Variants in PTK6 observed in about 807,000 individuals in gnomAD.
PTK6 encodes the protein protein-tyrosine kinase 6.
PTK6 carries 47 observed loss-of-function variants against 47.5 expected under a neutral mutation model. The ratio of observed to expected loss-of-function variants is 0.99; its 90% CI spans 0.78 to 1.26. The LOEUF (loss-of-function observed/expected upper bound fraction) is 1.26, where lower values mean the gene tolerates loss of function less well. Among genes scored for constraint, PTK6 ranks in the 50% most tolerant of loss-of-function variants. PTK6 has a pLI of 0.00. For synonymous variants in PTK6, 287 were observed against 276.5 expected (o/e 1.04, Z -0.38); for missense variants, 618 against 625.3 (o/e 0.99, Z 0.12).
Position 63,529,705 on chromosome 20 carries a change from G to C in PTK6, c.1187C>G (p.Ala396Gly). ...VPYPGMSNHE[A>G]FLRVDAGYRM... ...GTAGCCGGCGTCCACCCTCAGGAAG[G>C]CCTCATGGTTGGACATGCCTGCGGC... is the stretch of plus-strand genomic sequence containing the variant. The change falls in exon 8 of 8, where the codon GCC becomes GGC. Residue 396 changes from alanine to glycine, a missense_variant. Coordinates refer to ENST00000542869, the MANE Select transcript of PTK6 (RefSeq NM_005975.4). The surrounding 1 kb of genome is among the most constrained non-coding windows in gnomAD (Gnocchi z 5.6). The C allele has an allele frequency of 6.5e-7, 1 of 1,544,694 alleles. No individual in the cohort carries two copies. The highest frequency in any genetic ancestry group is 8.7e-7 in the Non-Finnish European group (1 of 1,145,338).
At chr20:63,534,891 C>A in intron 2 of PTK6, 47 bp downstream of exon 2, 1 of 1,555,024 alleles carries the variant, frequency 6.4e-7, no homozygotes, top group Non-Finnish European at 8.7e-7. Flanking sequence ...GGGCTTAGAG[C>A]CAGGAGCCCC....
intron 1 of PTK6, among the ~76,000 whole-genome samples, chr20:63,536,363 T>C (rs544284007): frequency 6.9e-6 from 1 of 144,580 alleles, no homozygotes; most frequent in South Asian, 2.3e-4. Flanking sequence ...AATAGAGGGG[T>C]CTCCACCATG....
At chr20:63,532,409 G>T (rs1233509081) in intron 5 of PTK6, 117 bp downstream of exon 5, 4 of 1,299,916 alleles carry the variant, frequency 3.1e-6, no homozygotes, top group Non-Finnish European at 4.2e-6. Context: ...GCATGTGTGT[G>T]TCTGTGTGTC....
In PTK6 at chr20:63,529,685, C is replaced by T. The variant is rs543091157; in HGVS notation, c.1207G>A (p.Gly403Ser). 1.7e-5 allele frequency: 27 copies of T among 1,546,382 alleles called. No individual in the cohort carries two copies. Among genetic ancestry groups the T allele is most frequent in the East Asian group, 1.7e-4 (7 of 40,872 alleles). Residue 403 changes from glycine (G) to serine (S), a missense_variant, in exon 8 of 8, where the codon GGC becomes AGC. Physicochemically the swap from Gly to Ser is moderately conservative, Grantham distance 56. Coordinates refer to ENST00000542869, the MANE Select transcript of PTK6 (RefSeq NM_005975.4). The surrounding 1 kb of genome is among the most constrained non-coding windows in gnomAD (Gnocchi z 5.6). ...NHEAFLRVDA[G>S]YRMPCPLECP... ...TCCAGAGGGCAGGGCATGCGGTAGC[C>T]GGCGTCCACCCTCAGGAAGGCCTCA... is the stretch of plus-strand genomic sequence containing the variant.
intron 3 of PTK6, 61 bp downstream of exon 3, chr20:63,534,091 A>G: frequency 6.8e-7 from 1 of 1,475,284 alleles, no homozygotes; most frequent in East Asian, 2.5e-5. Context: ...CCCAGTAGGA[A>G]ATGCCAGCCT....
At chr20:63,536,373 G>A (rs1246432607) in intron 1 of PTK6, among the ~76,000 whole-genome samples, 1 of 148,536 alleles carries the variant, frequency 6.7e-6, no homozygotes, top group East Asian at 2.1e-4. Context: ...TCTCCACCAT[G>A]GGCCCCTGCC....
rs188563979 is a variant in PTK6, at chr20:63,530,908, C to T, written c.852G>A (p.Leu284=). The change falls in exon 6 of 8, where the codon CTG becomes CTA. Residue 284 remains leucine, a synonymous_variant. Transcript: ENST00000542869. The surrounding 1 kb of genome is among the most constrained non-coding windows in gnomAD (Gnocchi z 4.1). ...ELLRDSDEKV[L]PVSELLDIAW... ...CGATGTCCAGCAGCTCCGAAACGGG[C>T]AGGACTTTCTCATCAGAGTCTGCAG... 9.9e-6 allele frequency: 16 copies of T among 1,611,386 alleles called. No homozygotes were observed. The Admixed American group carries it at 1.7e-4, about 17-fold the overall frequency.
chr20:63,534,455 C>G, intron 2 of PTK6, 140 bp from the exon 3 acceptor site: 1 of 1,146,284 alleles, frequency 8.7e-7, no homozygotes, highest in Non-Finnish European at 1.2e-6. Flanking sequence ...CCCCTGCCTC[C>G]CCTCCCTCAG....
In PTK6 at chr20:63,536,912, A is replaced by G. The variant is rs545023627; in HGVS notation, c.230+173T>C. 3.2e-4 allele frequency among the ~76,000 whole-genome samples: 48 copies of G among 152,318 alleles called. 1 individual carries two copies. The highest frequency in any genetic ancestry group is 4.9e-4 in the Non-Finnish European group (33 of 68,020). ...CCTGGGCACTCCTGGGCGCCAGCGC[A>G]TGGGGCCTGCAGGGAGGATCAAGCG... On this transcript the variant is annotated intron_variant, in intron 1 of 7. Transcript: ENST00000542869.
At chr20:63,535,787 C>T (rs1204980779) in intron 1 of PTK6, among the ~76,000 whole-genome samples, 3 of 98,836 alleles carry the variant, frequency 3.0e-5, no homozygotes, top group Admixed American at 1.8e-4. Flanking sequence ...CCTGGCCTCC[C>T]GCCCCCTCCT....
Position 63,532,701 on chromosome 20 carries a change from T to C in PTK6, c.671-14A>G. 1 of 1,611,390 alleles carries C rather than the reference T, an allele frequency of 6.2e-7. No homozygotes were observed. The highest frequency in any genetic ancestry group is 1.7e-5 in the Admixed American group (1 of 59,942). On this transcript the variant is annotated splice_polypyrimidine_tract_variant and intron_variant, in intron 4 of 7. Coordinates refer to ENST00000542869, the MANE Select transcript of PTK6 (RefSeq NM_005975.4). ...GCAGGAGGTTGTCTGCGGGGACGGG[T>C]GGCCTCGGTGGATGCAGCCCCTGAC... is the stretch of plus-strand genomic sequence containing the variant.
chr20:63,534,783 G>A, intron 2 of PTK6, 155 bp downstream of exon 2: 19 of 1,171,746 alleles, frequency 1.6e-5, no homozygotes, highest in Non-Finnish European at 2.1e-5. Flanking sequence ...CCCCAGGGAG[G>A]AGCGGGCCAG....
Position 63,537,226 on chromosome 20 carries a change from C to G in PTK6, c.89G>C (p.Arg30Pro), listed in dbSNP as rs754007821. ...KSRTDEELSF[R>P]AGDVFHVARK... ...GGCCACGTGGAAGACGTCCCCCGCG[C>G]GGAAGCTCAGCTCCTCGTCCGTCCG... is the stretch of plus-strand genomic sequence containing the variant. The change falls in exon 1 of 8, where the codon CGC (arginine) becomes CCC (proline). Residue 30 changes from arginine (R) to proline (P), a missense_variant. Arg to Pro is a moderately radical substitution (Grantham distance 103). Coordinates refer to ENST00000542869, the MANE Select transcript of PTK6 (RefSeq NM_005975.4). The G allele has an allele frequency of 1.7e-5, 27 of 1,612,296 alleles. No homozygotes were observed. Among genetic ancestry groups the G allele is most frequent in the Non-Finnish European group, 2.3e-5 (27 of 1,179,848 alleles).
chr20:63,537,096 C>T lies in PTK6; in HGVS notation c.219G>A (p.Val73=), dbSNP rs1254387257. 1 of 1,609,456 alleles carries T rather than the reference C, an allele frequency of 6.2e-7. No homozygotes were observed. Among genetic ancestry groups the T allele is most frequent in the African/African-American group, 1.3e-5 (1 of 74,918 alleles). ...CCTAGGACACGCACGGTTCCGACTCCACCGTCTCCCTCTCGGCCAGGTAGT... is the reference window on the plus strand; with the variant it reads ...CCTAGGACACGCACGGTTCCGACTCTACCGTCTCCCTCTCGGCCAGGTAGT... The part of the protein sequence containing the change: ...PHNYLAERET[V]ESEPWFFGCI... Residue 73 remains valine, a synonymous_variant, in exon 1 of 8, where the codon GTG becomes GTA. Transcript: ENST00000542869.
At chr20:63,531,249 A>G (rs567451944) in intron 5 of PTK6, among the ~76,000 whole-genome samples, 138 of 151,380 alleles carry the variant, frequency 9.1e-4, no homozygotes, top group Non-Finnish European at 1.7e-3. Flanking sequence ...GTGAAACCCC[A>G]TCTCTACTAA....
rs950846526 is a variant in PTK6 at position 63,530,660 on chromosome 20, G to A, written c.1014+86C>T. 67 of 1,475,150 alleles carry A rather than the reference G, an allele frequency of 4.5e-5. No homozygotes were observed. Among genetic ancestry groups the A allele is most frequent in the Admixed American group, 1.1e-4 (5 of 43,966 alleles). The allele number at this position is 1,475,150 out of a possible 1,614,324, so 91.4% of individuals were successfully genotyped here. A position where few individuals can be genotyped will look rare whatever the true frequency, so the allele number is the denominator to read the frequency against. Reference sequence around the variant, plus strand: ...CAGGGGCCGCATCCTGCTCCCAGCCGAGTCCCCAGCTCCACACACAGGAAG... The same window carrying A: ...CAGGGGCCGCATCCTGCTCCCAGCCAAGTCCCCAGCTCCACACACAGGAAG... On this transcript the variant is annotated intron_variant, in intron 6 of 7. Coordinates refer to ENST00000542869, the MANE Select transcript of PTK6 (RefSeq NM_005975.4). This position sits in a 1 kb window ranked among gnomAD's most constrained non-coding sequence, Gnocchi z 4.1.
At position 63,533,725 on chromosome 20, in the gene PTK6, A is replaced by G. The variant is rs1464820761; in HGVS notation, c.517-21T>C. 9 of 1,606,352 alleles carry G rather than the reference A, an allele frequency of 5.6e-6. No individual in the cohort carries two copies. Among genetic ancestry groups the G allele is most frequent in the Non-Finnish European group, 7.7e-6 (9 of 1,176,440 alleles). On this transcript the variant is annotated intron_variant, in intron 3 of 7. Coordinates refer to ENST00000542869, the MANE Select transcript of PTK6 (RefSeq NM_005975.4). The surrounding 1 kb of genome is among the most constrained non-coding windows in gnomAD (Gnocchi z 4.0). Reference sequence around the variant, plus strand: ...TCGTGCTGGAGGAAGAGTCGGGGACACAGGGCAGGGGCTCATCCTTCAGGA... The same window carrying G: ...TCGTGCTGGAGGAAGAGTCGGGGACGCAGGGCAGGGGCTCATCCTTCAGGA...
intron 2 of PTK6, 85 bp from the exon 3 acceptor site, chr20:63,534,400 A>G (rs532408594): frequency 1.2e-4 from 176 of 1,449,694 alleles, no homozygotes; most frequent in Middle Eastern, 2.0e-4. Flanking sequence ...ACCTGCGCAG[A>G]GTTTCTGGGT....
chr20:63,532,898 C>T (rs1041506258), intron 4 of PTK6, among the ~76,000 whole-genome samples: 7 of 152,200 alleles, frequency 4.6e-5, no homozygotes, highest in Non-Finnish European at 7.3e-5. Context: ...GGCGTACCCA[C>T]GGGGCTGTGG....
Sources: allele counts gnomAD v4.1 joint callset (sites outside exome capture counted in the v4.1 genomes callset), GRCh38; gene constraint gnomAD v4.1.1; non-coding constraint Gnocchi (gnomAD v3.1); transcripts MANE v1.5; gene names NCBI Gene and HGNC (gene_info 2026-07-23, HGNC 2026-07-21).